Variants in CERS6 observed in about 807,000 individuals in gnomAD.
The protein encoded by CERS6 is LAG1 homolog, ceramide synthase 6.
In CERS6, 26 loss-of-function variants were observed where a neutral mutation model predicts 56.8. The observed-to-expected ratio is 0.46, with a 90% CI of 0.34 to 0.63. The LOEUF is 0.63. Among genes scored for constraint, CERS6 ranks in the 30% least tolerant of loss-of-function variants. The pLI, the probability that CERS6 is intolerant of heterozygous loss-of-function variation, is 0.01. For synonymous variants in CERS6, 164 were observed against 173.3 expected (o/e 0.95, Z 0.42); for missense variants, 415 against 467.5 (o/e 0.89, Z 1.04).
At chr2:168,654,634 G>A (rs920650583) in intron 4 of CERS6, among the ~76,000 whole-genome samples, 17 of 152,204 alleles carry the variant, frequency 1.1e-4, no homozygotes, top group African/African-American at 3.9e-4. Flanking sequence ...TGTTGGCCAT[G>A]TTGAATCATG....
At chr2:168,573,189 A>G (rs1415119795) in intron 3 of CERS6, among the ~76,000 whole-genome samples, 2 of 152,088 alleles carry the variant, frequency 1.3e-5, no homozygotes, top group East Asian at 1.9e-4. Context: ...CCAGTAACCT[A>G]TGGGGGAAAA....
At chr2:168,476,851 C>T (rs1451670843) in intron 1 of CERS6, among the ~76,000 whole-genome samples, 1 of 152,030 alleles carries the variant, frequency 6.6e-6, no homozygotes, top group African/African-American at 2.4e-5. Context: ...TTAATTTGCT[C>T]AGAGTCACAT....
intron 3 of CERS6, among the ~76,000 whole-genome samples, chr2:168,594,005 C>A (rs1260025946): frequency 6.6e-6 from 1 of 152,188 alleles, no homozygotes; most frequent in African/African-American, 2.4e-5. Flanking sequence ...CTTTTACCAA[C>A]TATGTAATGT....
At chr2:168,586,602 T>C (rs949662999) in intron 3 of CERS6, among the ~76,000 whole-genome samples, 1 of 152,176 alleles carries the variant, frequency 6.6e-6, no homozygotes, top group African/African-American at 2.4e-5. Context: ...GACACATAGA[T>C]AAAATGATTG....
chr2:168,661,036 C>T (rs1223260387), intron 4 of CERS6, among the ~76,000 whole-genome samples: 5 of 143,400 alleles, frequency 3.5e-5, no homozygotes, highest in Admixed American at 7.3e-5. Flanking sequence ...GGAGTGGCAG[C>T]GGGGAGCAGA....
At position 168,499,137 on chromosome 2, in the gene CERS6, C is replaced by A. The variant is rs529835286; in HGVS notation, c.170+42519C>A. Among the ~76,000 whole-genome samples, 17 of 152,282 alleles carry A rather than the reference C, an allele frequency of 1.1e-4. No homozygotes were observed. In the South Asian group the frequency reaches 3.5e-3, roughly 32 times the overall value. On this transcript the variant is annotated intron_variant, in intron 1 of 9. Coordinates refer to ENST00000305747, the MANE Select transcript of CERS6 (RefSeq NM_203463.3). ...TTTGGCTACCTGCCCCAGGTCCTGTCCCTTGATGGGACCCCTATGGTCAAG... is the reference window on the plus strand; with the variant it reads ...TTTGGCTACCTGCCCCAGGTCCTGTACCTTGATGGGACCCCTATGGTCAAG...
intron 8 of CERS6, among the ~76,000 whole-genome samples, chr2:168,731,237 G>A (rs1303038199): frequency 1.3e-5 from 2 of 152,094 alleles, no homozygotes; most frequent in Non-Finnish European, 2.9e-5. Flanking sequence ...AGTGCCCTGA[G>A]TCACTTCTGT....
At position 168,561,319 on chromosome 2, in the gene CERS6, G is replaced by A; in HGVS notation, c.404G>A (p.Ser135Asn). The change falls in exon 3 of 10, where the codon AGC (serine) becomes AAC (asparagine). Residue 135 changes from serine to asparagine, a missense_variant. Coordinates refer to ENST00000305747, the MANE Select transcript of CERS6 (RefSeq NM_203463.3). Reference sequence around the variant, plus strand: ...AGCACGCTGACGAGGTTCTGTGAGAGCATGTAAGTTGCTGTTTTTCTTTTT... The same window carrying A: ...AGCACGCTGACGAGGTTCTGTGAGAACATGTAAGTTGCTGTTTTTCTTTTT... Reference protein sequence around the residue: ...KPSTLTRFCESMWRFSFYLYV... With the variant: ...KPSTLTRFCENMWRFSFYLYV... The A allele has an allele frequency of 6.2e-7, 1 of 1,614,068 alleles. No individual in the cohort carries two copies. The highest frequency in any genetic ancestry group is 8.5e-7 in the Non-Finnish European group (1 of 1,179,950).
At chr2:168,501,614 A>C (rs1694581984) in intron 1 of CERS6, among the ~76,000 whole-genome samples, 1 of 152,250 alleles carries the variant, frequency 6.6e-6, no homozygotes, top group Admixed American at 6.5e-5. Flanking sequence ...AGTGGACTGC[A>C]GAATCAGTAG....
intron 2 of CERS6, 74 bp downstream of exon 2, chr2:168,547,775 C>A: frequency 2.8e-6 from 3 of 1,077,520 alleles, no homozygotes; most frequent in South Asian, 1.3e-5. Flanking sequence ...CAATTTGTCC[C>A]CTTCTGGGTT....
chr2:168,679,650 TCA>T (rs904996586), intron 4 of CERS6, among the ~76,000 whole-genome samples: 2 of 152,178 alleles, frequency 1.3e-5, no homozygotes, highest in African/African-American at 4.8e-5. Context: ...AGTACCTCGC[TCA>T]CACACAGATA....
intron 8 of CERS6, among the ~76,000 whole-genome samples, chr2:168,722,590 T>G (rs1683215162): frequency 6.6e-6 from 1 of 152,212 alleles, no homozygotes. Context: ...AGCAAACTTG[T>G]GTTTGTCACA....
At chr2:168,545,408 G>A (rs1465941244) in intron 1 of CERS6, among the ~76,000 whole-genome samples, 1 of 152,052 alleles carries the variant, frequency 6.6e-6, no homozygotes, top group African/African-American at 2.4e-5. Flanking sequence ...TTCATTCTTG[G>A]AATTTAAAGA....
At chr2:168,655,351 C>T (rs1685443972) in intron 4 of CERS6, among the ~76,000 whole-genome samples, 1 of 152,136 alleles carries the variant, frequency 6.6e-6, no homozygotes, top group Admixed American at 6.5e-5. Flanking sequence ...ATTAAACTTC[C>T]CTATGACACA....
intron 4 of CERS6, chr2:168,644,224 G>T: frequency 2.2e-6 from 2 of 923,216 alleles, no homozygotes; most frequent in Non-Finnish European, 1.3e-6. Flanking sequence ...TTCAGATAGG[G>T]TGCTCAGGGA....
chr2:168,592,362 C>T (rs941229301), intron 3 of CERS6, among the ~76,000 whole-genome samples: 1 of 152,096 alleles, frequency 6.6e-6, no homozygotes, highest in African/African-American at 2.4e-5. Flanking sequence ...GGCTGGAGCT[C>T]AGGACGTGGG....
chr2:168,700,565 TAAG>T (rs1686781612), intron 6 of CERS6, among the ~76,000 whole-genome samples: 14 of 152,294 alleles, frequency 9.2e-5, no homozygotes, highest in Admixed American at 8.5e-4. Flanking sequence ...AATTTATCAT[TAAG>T]TAAAAGTCCT....
intron 2 of CERS6, among the ~76,000 whole-genome samples, chr2:168,548,210 G>T (rs1490069381): frequency 1.3e-5 from 2 of 152,174 alleles, no homozygotes; most frequent in Non-Finnish European, 2.9e-5. Flanking sequence ...TGAAGAAGGA[G>T]GGTCAGGAGA....
chr2:168,536,365 T>C (rs1458613633), intron 1 of CERS6, among the ~76,000 whole-genome samples: 1 of 152,148 alleles, frequency 6.6e-6, no homozygotes, highest in Non-Finnish European at 1.5e-5. Flanking sequence ...CTAATGTACA[T>C]GAGGCCTGAG....
Sources: allele counts gnomAD v4.1 joint callset (sites outside exome capture counted in the v4.1 genomes callset), GRCh38; gene constraint gnomAD v4.1.1; transcripts MANE v1.5; gene names NCBI Gene and HGNC (gene_info 2026-07-23, HGNC 2026-07-21).